CDH18: variants seen among roughly 807,000 people sequenced by gnomAD.
CDH18 encodes cadherin-18.
CDH18 carries 31 observed loss-of-function variants against 67.9 expected under a neutral mutation model. The ratio of observed to expected loss-of-function variants is 0.46; its 90% CI spans 0.34 to 0.62. The LOEUF (loss-of-function observed/expected upper bound fraction) is 0.62, where lower values mean the gene tolerates loss of function less well. Among genes scored for constraint, CDH18 ranks in the 20% least tolerant of loss-of-function variants. CDH18 has a pLI of 0.01. For synonymous variants in CDH18, 362 were observed against 347.2 expected, an observed-to-expected ratio of 1.04 and a Z score of -0.48; for missense variants, 890 against 975.5, an observed-to-expected ratio of 0.91 and a Z score of 1.17.
chr5:20,560,468 T>TACACACACACACAC (rs547246325), intron 1 of CDH18, among the ~76,000 whole-genome samples: 82 of 127,700 alleles, frequency 6.4e-4, no homozygotes, highest in South Asian at 1.1e-3. Context: ...CCAACACTCA[T>TACACACACACACAC]ACACACACAC....
intron 2 of CDH18, among the ~76,000 whole-genome samples, chr5:19,999,315 C>T (rs193166467): frequency 2.0e-5 from 3 of 152,128 alleles, no homozygotes; most frequent in Admixed American, 6.6e-5. Flanking sequence ...AAACTGTGGA[C>T]GCAACCGGGC....
rs760777430 is a variant in CDH18, at chr5:19,994,855, T to TATAGAGAGAGAGAGAGAGAGAG, written c.-517-2842_-517-2841insCTCTCTCTCTCTCTCTCTCTAT. ...ATATATATATATATATATATATATA[T>TATAGAGAGAGAGAGAGAGAGAG]AGAGAGAGAGAGAGAGAGAGAGATG... On this transcript the variant is annotated intron_variant, in intron 2 of 14. Transcript: ENST00000507958. 3.0e-4 allele frequency among the ~76,000 whole-genome samples: 20 copies of TATAGAGAGAGAGAGAGAGAGAG among 67,584 alleles called. 3 individuals are homozygous for TATAGAGAGAGAGAGAGAGAGAG. Among genetic ancestry groups the TATAGAGAGAGAGAGAGAGAGAG allele is most frequent in the African/African-American group, 1.5e-3 (20 of 13,598 alleles). 44.3% of individuals were successfully genotyped at this position (67,584 alleles called of 152,430 possible). A position where few individuals can be genotyped will look rare whatever the true frequency, so the allele number is the denominator to read the frequency against.
At chr5:20,419,472 T>G (rs1167438942) in intron 1 of CDH18, among the ~76,000 whole-genome samples, 5 of 74,206 alleles carry the variant, frequency 6.7e-5, no homozygotes, top group African/African-American at 2.1e-4. Context: ...GTTTTTTTTT[T>G]TTTTTTTTTT....
At chr5:19,617,919 A>T (rs532230602) in intron 5 of CDH18, among the ~76,000 whole-genome samples, 74 of 152,332 alleles carry the variant, frequency 4.9e-4, no homozygotes, top group African/African-American at 1.7e-3. Context: ...CCATATGTTT[A>T]TGCCTCCTGA....
intron 1 of CDH18, among the ~76,000 whole-genome samples, chr5:20,538,914 T>G (rs1016662141): frequency 3.5e-5 from 5 of 142,962 alleles, no homozygotes; most frequent in Admixed American, 1.5e-4. Flanking sequence ...TTTTTGTTTT[T>G]TTTTTTTTTT....
At chr5:20,530,215 A>G (rs1381890930) in intron 1 of CDH18, among the ~76,000 whole-genome samples, 1 of 152,024 alleles carries the variant, frequency 6.6e-6, no homozygotes, top group East Asian at 1.9e-4. Context: ...ACTACAAAAC[A>G]TTGCTCAAGG....
chr5:20,294,732 C>T (rs1298527928), intron 1 of CDH18, among the ~76,000 whole-genome samples: 2 of 152,160 alleles, frequency 1.3e-5, no homozygotes, highest in African/African-American at 4.8e-5. Flanking sequence ...TGTACCACAT[C>T]CTTCTGTGTA....
intron 2 of CDH18, among the ~76,000 whole-genome samples, chr5:20,245,446 G>A (rs188872384): frequency 2.0e-5 from 3 of 152,098 alleles, no homozygotes; most frequent in Non-Finnish European, 4.4e-5. Context: ...GTTGTGATAC[G>A]AGAGAAGGTT....
chr5:20,203,651 A>AAAAG (rs1739639033), intron 2 of CDH18, among the ~76,000 whole-genome samples: 1 of 151,916 alleles, frequency 6.6e-6, no homozygotes, highest in African/African-American at 2.4e-5. Flanking sequence ...ATACAATAAA[A>AAAAG]AAAAAAAGCC....
At chr5:19,919,971 T>C (rs1792247944) in intron 2 of CDH18, among the ~76,000 whole-genome samples, 1 of 152,130 alleles carries the variant, frequency 6.6e-6, no homozygotes, top group African/African-American at 2.4e-5. Context: ...TAGTAGTCAT[T>C]TCTATACTAT....
chr5:20,453,471 A>G (rs1402736557), intron 1 of CDH18, among the ~76,000 whole-genome samples: 2 of 152,094 alleles, frequency 1.3e-5, no homozygotes, highest in Non-Finnish European at 2.9e-5. Flanking sequence ...GAAATACCCC[A>G]TGCATTGCTT....
chr5:19,867,916 C>T (rs1026560446), intron 2 of CDH18, among the ~76,000 whole-genome samples: 2 of 152,116 alleles, frequency 1.3e-5, no homozygotes, highest in Non-Finnish European at 2.9e-5. Flanking sequence ...GTGCTTACCC[C>T]CATGCTTCTG....
At chr5:19,603,742 G>A (rs184433927) in intron 6 of CDH18, among the ~76,000 whole-genome samples, 494 of 150,556 alleles carry the variant, frequency 3.3e-3, no homozygotes, top group Non-Finnish European at 5.7e-3. Flanking sequence ...TAGATTTTCT[G>A]AGATATGAGG....
intron 1 of CDH18, among the ~76,000 whole-genome samples, chr5:20,488,817 G>GA (rs1753388109): frequency 6.6e-6 from 1 of 151,708 alleles, no homozygotes; most frequent in Non-Finnish European, 1.5e-5. Flanking sequence ...CTTAGAGATA[G>GA]AAAATATTTG....
At chr5:20,102,093 C>CA (rs371485495) in intron 2 of CDH18, among the ~76,000 whole-genome samples, 136 of 151,842 alleles carry the variant, frequency 9.0e-4, no homozygotes, top group African/African-American at 3.2e-3. Flanking sequence ...AACAAACAAA[C>CA]AAAAAAACAG....
chr5:19,625,146 A>G (rs1751331394), intron 5 of CDH18, among the ~76,000 whole-genome samples: 2 of 152,134 alleles, frequency 1.3e-5, no homozygotes, highest in Admixed American at 6.5e-5. Flanking sequence ...GCCACATCCA[A>G]CAGGTAATTG....
At chr5:19,869,237 A>G (rs2150012418) in intron 2 of CDH18, among the ~76,000 whole-genome samples, 1 of 152,208 alleles carries the variant, frequency 6.6e-6, no homozygotes, top group Non-Finnish European at 1.5e-5. Context: ...TAAACACATT[A>G]ATCATCATGC....
chr5:20,468,864 A>G (rs1751851761), intron 1 of CDH18, among the ~76,000 whole-genome samples: 1 of 152,220 alleles, frequency 6.6e-6, no homozygotes, highest in African/African-American at 2.4e-5. Context: ...GGATAATAAC[A>G]CATATTAGGT....
At chr5:20,074,819 T>C (rs1476552279) in intron 2 of CDH18, among the ~76,000 whole-genome samples, 3 of 152,022 alleles carry the variant, frequency 2.0e-5, no homozygotes, top group African/African-American at 7.2e-5. Context: ...AAGGCTAGAG[T>C]TCTTTGGGCA....
Sources: gnomAD v4.1 joint callset for allele counts (sites outside exome capture counted in the v4.1 genomes callset) on GRCh38, gnomAD v4.1.1 for gene constraint, MANE v1.5 for transcripts, NCBI Gene and HGNC (gene_info 2026-07-23, HGNC 2026-07-21) for gene names.